Variants in EVI5 observed in about 807,000 individuals in gnomAD.
The protein encoded by EVI5 is ecotropic viral integration site 5 protein homolog.
A neutral mutation model predicts 112.0 loss-of-function variants in EVI5; 73 were observed. The ratio of observed to expected loss-of-function variants is 0.65; its 90% confidence interval spans 0.54 to 0.79. The LOEUF (loss-of-function observed/expected upper bound fraction) is 0.79, where lower values mean the gene tolerates loss of function less well. Among genes scored for constraint, EVI5 ranks in the 30% least tolerant of loss-of-function variants. The pLI, the probability that EVI5 is intolerant of heterozygous loss-of-function variation, is 0.00. For synonymous variants in EVI5, 305 were observed against 319.9 expected (o/e 0.95, Z 0.50); for missense variants, 900 against 968.8 (o/e 0.93, Z 0.94).
chr1:92,704,743 A>G lies in EVI5; in HGVS notation c.151T>C (p.Leu51=). ...AAAGACTTACTATCCGTTTCTAACA[A>G]TCTAAAATATAATTAAAAACTGTTC... ...LLAKLEEQNR[L]LETDSKSLRS... is the part of the protein sequence containing the mutation. Residue 51 remains leucine (L), a splice_region_variant and synonymous_variant, in exon 3 of 20, where the codon TTG becomes CTG. Coordinates refer to ENST00000684568, the MANE Select transcript of EVI5 (RefSeq NM_001350197.2). The G allele has an allele frequency of 1.4e-6, 2 of 1,474,716 alleles. No individual in the cohort carries two copies. Among genetic ancestry groups the G allele is most frequent in the Non-Finnish European group, 1.8e-6 (2 of 1,087,270 alleles). The allele number at this position is 1,474,716 out of a possible 1,614,324, so 91.4% of individuals were successfully genotyped here.
At chr1:92,719,720 T>G (rs542053654) in intron 2 of EVI5, among the ~76,000 whole-genome samples, 2 of 152,036 alleles carry the variant, frequency 1.3e-5, no homozygotes, top group East Asian at 3.9e-4. Flanking sequence ...GAGAAAGAAA[T>G]AAAGGATATT....
chr1:92,734,510 G>A (rs747836646), intron 2 of EVI5, among the ~76,000 whole-genome samples: 21 of 151,708 alleles, frequency 1.4e-4, no homozygotes, highest in Non-Finnish European at 2.4e-4. Context: ...TCACTCTGTC[G>A]CCCAGGCTGC....
chr1:92,693,079 C>G (rs528015259), intron 9 of EVI5, among the ~76,000 whole-genome samples: 1 of 152,276 alleles, frequency 6.6e-6, no homozygotes, highest in African/African-American at 2.4e-5. Flanking sequence ...TGACCAGGTG[C>G]AGCGGCTCAC....
intron 1 of EVI5, among the ~76,000 whole-genome samples, chr1:92,754,618 T>C (rs1363913418): frequency 2.6e-5 from 4 of 152,174 alleles, no homozygotes; most frequent in Admixed American, 2.0e-4. Context: ...CATATAGTTA[T>C]TGGCAAAAGT....
rs576313164 is a variant in EVI5, at chr1:92,646,461, T to C, written c.1393-10125A>G. Among the ~76,000 whole-genome samples, 3 of 152,278 alleles carry C rather than the reference T, an allele frequency of 2.0e-5. No individual in the cohort carries two copies. The East Asian group carries it at 5.8e-4, about 29-fold the overall frequency. ...TGGTAGCAGACTGTTATATTACCGT[T>C]TGTAGAAACAAGACAAGCTGAAGCT... On this transcript the variant is annotated intron_variant, in intron 13 of 19. Coordinates refer to ENST00000684568, the MANE Select transcript of EVI5 (RefSeq NM_001350197.2).
upstream of EVI5, among the ~76,000 whole-genome samples, chr1:92,789,055 T>A (rs1438722364): frequency 6.6e-6 from 1 of 152,144 alleles, no homozygotes; most frequent in Non-Finnish European, 1.5e-5. Context: ...GCAGAGTTTT[T>A]AACACAGTCA....
chr1:92,695,276 T>C, intron 7 of EVI5, 34 bp downstream of exon 7: 1 of 1,576,952 alleles, frequency 6.3e-7, no homozygotes, highest in Non-Finnish European at 8.6e-7. Context: ...ACCCCTTTGC[T>C]CAGCTCCTGC....
intron 2 of EVI5, chr1:92,732,237 G>A (rs756820089): frequency 4.9e-5 from 14 of 286,568 alleles, no homozygotes; most frequent in Non-Finnish European, 7.4e-5. Context: ...GCAGTTATAC[G>A]TCCTTACTGT....
chr1:92,760,227 G>C (rs889688594), intron 1 of EVI5, among the ~76,000 whole-genome samples: 2 of 152,140 alleles, frequency 1.3e-5, no homozygotes, highest in African/African-American at 4.8e-5. Context: ...ACAAAGTAAG[G>C]AAATAAAAGG....
intron 1 of EVI5, chr1:92,784,519 C>G: frequency 1.3e-6 from 1 of 749,988 alleles, no homozygotes; most frequent in South Asian, 6.1e-5. Flanking sequence ...GTGTCCTCCA[C>G]GGGATTTACG....
chr1:92,697,795 G>T, intron 6 of EVI5, 65 bp downstream of exon 6: 2 of 1,314,004 alleles, frequency 1.5e-6, no homozygotes, highest in Non-Finnish European at 2.1e-6. Context: ...TGCTTAGTTG[G>T]CACTCAGAAC....
chr1:92,545,698 C>T (rs1054556332), intron 19 of EVI5, among the ~76,000 whole-genome samples: 2 of 152,066 alleles, frequency 1.3e-5, no homozygotes, highest in African/African-American at 4.8e-5. Flanking sequence ...TTACTTTCAG[C>T]CATTAGATCA....
At chr1:92,712,811 A>T (rs1453330325) in intron 2 of EVI5, among the ~76,000 whole-genome samples, 3 of 152,082 alleles carry the variant, frequency 2.0e-5, no homozygotes, top group African/African-American at 4.8e-5. Flanking sequence ...ATGGTGGTAA[A>T]ATTATAAATA....
chr1:92,762,999 C>T (rs2102999741), intron 1 of EVI5, among the ~76,000 whole-genome samples: 1 of 152,274 alleles, frequency 6.6e-6, no homozygotes, highest in African/African-American at 2.4e-5. Context: ...TGCATGGTGG[C>T]TCACACCTGT....
Position 92,663,413 on chromosome 1 carries a change from A to C in EVI5, c.1245+7T>G. On this transcript the variant is annotated splice_region_variant and intron_variant, in intron 12 of 19. Transcript: ENST00000684568. Reference sequence around the variant, plus strand: ...TTTAAAAAACTAAAACAAAACAAAAACTATACCTGTATCAATCTATCTGCC... The same window carrying C: ...TTTAAAAAACTAAAACAAAACAAAACCTATACCTGTATCAATCTATCTGCC... 7.1e-7 allele frequency: 1 copy of C among 1,405,700 alleles called. No individual in the cohort carries two copies. The allele number at this position is 1,405,700 out of a possible 1,614,324, so 87.1% of individuals were successfully genotyped here.
chr1:92,523,387 C>T (rs916965465), intron 19 of EVI5, among the ~76,000 whole-genome samples: 3 of 151,798 alleles, frequency 2.0e-5, no homozygotes, highest in African/African-American at 4.8e-5. Context: ...TAAATAACAA[C>T]CTTGGCCTGT....
intron 15 of EVI5, among the ~76,000 whole-genome samples, chr1:92,625,305 G>A (rs762139961): frequency 2.0e-5 from 3 of 151,504 alleles, no homozygotes; most frequent in Non-Finnish European, 2.9e-5. Context: ...TCCTTATATA[G>A]AATATGTATT....
chr1:92,648,022 G>C (rs1374990093), intron 13 of EVI5, among the ~76,000 whole-genome samples: 1 of 145,492 alleles, frequency 6.9e-6, no homozygotes, highest in Non-Finnish European at 1.5e-5. Context: ...TGGGATTACA[G>C]GCATGAGCCA....
At chr1:92,570,184 T>C (rs1302904339) in intron 18 of EVI5, among the ~76,000 whole-genome samples, 1 of 152,230 alleles carries the variant, frequency 6.6e-6, no homozygotes, top group East Asian at 1.9e-4. Flanking sequence ...AAATCCCATA[T>C]GTGACATAAG....
Sources: gnomAD v4.1 joint callset for allele counts (sites outside exome capture counted in the v4.1 genomes callset) on GRCh38, gnomAD v4.1.1 for gene constraint, MANE v1.5 for transcripts, NCBI Gene and HGNC (gene_info 2026-07-23, HGNC 2026-07-21) for gene names.